Variants in BDP1 observed in about 807,000 individuals in gnomAD.
The protein encoded by BDP1 is transcription factor TFIIIB component B'' homolog.
In BDP1, 169 loss-of-function variants were observed where a neutral mutation model predicts 266.6. The ratio of observed to expected loss-of-function variants is 0.63; its 90% CI spans 0.56 to 0.72. The LOEUF is 0.72. Ranked by LOEUF, BDP1 falls within the 30% of genes least tolerant of loss-of-function variation. BDP1 has a pLI of 0.00. For synonymous variants in BDP1, 1,090 were observed against 1,022.4 expected, an observed-to-expected ratio of 1.07 and a Z score of -1.26; for missense variants, 3,015 against 3,053.8, an observed-to-expected ratio of 0.99 and a Z score of 0.30.
chr5:71,464,574 C>T (rs376053169), intron 4 of BDP1, among the ~76,000 whole-genome samples: 7 of 152,006 alleles, frequency 4.6e-5, no homozygotes, highest in African/African-American at 1.7e-4. Context: ...CAGGATGTTG[C>T]TGTGTCACCT....
chr5:71,478,817 C>A (rs551279083), intron 7 of BDP1, among the ~76,000 whole-genome samples: 25 of 152,172 alleles, frequency 1.6e-4, no homozygotes, highest in African/African-American at 5.5e-4. Context: ...GGAACTCCAC[C>A]AACATAGTTT....
rs1766834863 is a variant in BDP1 at position 71,539,581 on chromosome 5, C to T, written c.5954C>T (p.Ala1985Val). 6.2e-7 allele frequency: 1 copy of T among 1,609,588 alleles called. No homozygotes were observed. The highest frequency in any genetic ancestry group is 8.5e-7 in the Non-Finnish European group (1 of 1,178,504). The stretch of plus-strand genomic sequence containing the variant: ...GGTACCAATGATGGAAGCACCGAAG[C>T]TGCAATAACTTTACTTACAATGGGA... Reference protein sequence around the residue: ...EPGTNDGSTEAAITLLTMGDL... With the variant: ...EPGTNDGSTEVAITLLTMGDL... Residue 1985 changes from alanine to valine, a missense_variant, in exon 28 of 39, where the codon GCT (alanine) becomes GTT (valine). Physicochemically the swap from Ala to Val is moderately conservative, Grantham distance 64. This residue lies in a region of BDP1 where 2,383 missense variants were observed against 2,404.9 expected (regional missense o/e 0.99). Coordinates refer to ENST00000358731, the MANE Select transcript of BDP1 (RefSeq NM_018429.3).
intron 17 of BDP1, 127 bp downstream of exon 17, chr5:71,511,278 T>A: frequency 1.1e-6 from 1 of 914,046 alleles, no homozygotes; most frequent in Non-Finnish European, 1.7e-6. Flanking sequence ...AAGTCTTTTG[T>A]AGCCCTAAGT....
chr5:71,456,228 C>T, intron 1 of BDP1, 139 bp downstream of exon 1: 1 of 776,588 alleles, frequency 1.3e-6, no homozygotes, highest in Middle Eastern at 3.7e-4. Context: ...GATGAAACCA[C>T]TCCAAACTGC....
chr5:71,519,864 T>A (rs1765410065), intron 22 of BDP1, among the ~76,000 whole-genome samples: 1 of 152,210 alleles, frequency 6.6e-6, no homozygotes, highest in South Asian at 2.1e-4. Flanking sequence ...GGTAGTTCTA[T>A]TTTTAGTTTT....
In BDP1 at chr5:71,566,380, TATC is replaced by T. The variant is rs1399523621; in HGVS notation, c.*1500_*1502del. ...AATAAGGCTTTATAAAGTTAATGAT[TATC>T]ATCAGTATGAATTTAAGGTTTGTTT... is the stretch of plus-strand genomic sequence containing the variant. On this transcript the variant is annotated 3_prime_UTR_variant, in exon 39 of 39. Coordinates refer to ENST00000358731, the MANE Select transcript of BDP1 (RefSeq NM_018429.3). 1 of 152,262 alleles carries T rather than the reference TATC, an allele frequency of 6.6e-6. No individual in the cohort carries two copies. Among genetic ancestry groups the T allele is most frequent in the African/African-American group, 2.4e-5 (1 of 41,470 alleles). The allele number at this position is 152,262 out of a possible 1,614,324, so 9.4% of individuals were successfully genotyped here. A position where few individuals can be genotyped will look rare whatever the true frequency, so the allele number is the denominator to read the frequency against.
rs551109428 is a variant in BDP1, at chr5:71,554,670, A to G, written c.7200+1350A>G. Among the ~76,000 whole-genome samples, 9 of 152,350 alleles carry G rather than the reference A, an allele frequency of 5.9e-5. No individual in the cohort carries two copies. In the East Asian group the frequency reaches 1.7e-3, roughly 29 times the overall value. ...TATGATACGCCATTTAAAAAATGGT[A>G]GTTATACAGTGGTGTGAATATGTAA... is the stretch of plus-strand genomic sequence containing the variant. On this transcript the variant is annotated intron_variant, in intron 35 of 38. Coordinates refer to ENST00000358731, the MANE Select transcript of BDP1 (RefSeq NM_018429.3).
At chr5:71,526,278 G>GGCAA (rs1336317741) in intron 25 of BDP1, among the ~76,000 whole-genome samples, 1 of 46,854 alleles carries the variant, frequency 2.1e-5, no homozygotes, top group Non-Finnish European at 5.6e-5. Context: ...CAAACATTTT[G>GGCAA]GTGTTTTCTG....
At chr5:71,542,071 A>G (rs1417469008) in intron 29 of BDP1, 34 bp from the exon 30 acceptor site, 12 of 1,555,440 alleles carry the variant, frequency 7.7e-6, no homozygotes, top group African/African-American at 1.4e-5. Flanking sequence ...AAGATCTAAC[A>G]TGATTCATGA....
In BDP1 at chr5:71,565,250, A is replaced by G. The variant is rs1223579175; in HGVS notation, c.*365A>G. ...GCAGACAGATTTGGGGGTTAATTGT[A>G]TCATATTTAACATTTAGCAACTTCT... On this transcript the variant is annotated 3_prime_UTR_variant, in exon 39 of 39. Coordinates refer to ENST00000358731, the MANE Select transcript of BDP1 (RefSeq NM_018429.3). 3 of 163,142 alleles carry G rather than the reference A, an allele frequency of 1.8e-5. No individual in the cohort carries two copies. The highest frequency in any genetic ancestry group is 7.2e-5 in the African/African-American group (3 of 41,816). 10.1% of individuals were successfully genotyped at this position (163,142 alleles called of 1,614,324 possible).
At chr5:71,484,839 GA>G (rs950445598) in intron 8 of BDP1, among the ~76,000 whole-genome samples, 24 of 148,804 alleles carry the variant, frequency 1.6e-4, no homozygotes, top group African/African-American at 4.0e-4. Context: ...GCTAATTTTA[GA>G]AAAAAAAAAT....
At chr5:71,481,507 T>G (rs189654894) in intron 7 of BDP1, among the ~76,000 whole-genome samples, 9 of 151,434 alleles carry the variant, frequency 5.9e-5, no homozygotes, top group African/African-American at 2.2e-4. Context: ...CAGTGAGCTG[T>G]GATCACAGCA....
At chr5:71,525,417 CG>C in intron 25 of BDP1, among the ~76,000 whole-genome samples, 1 of 131,330 alleles carries the variant, frequency 7.6e-6, no homozygotes, top group Non-Finnish European at 1.6e-5. Context: ...CCCTCCCGGA[CG>C]GGGCGGCTGG....
At position 71,539,589 on chromosome 5, in the gene BDP1, A is replaced by T. The variant is rs1337777791; in HGVS notation, c.5962A>T (p.Thr1988Ser). 1 of 1,612,442 alleles carries T rather than the reference A, an allele frequency of 6.2e-7. No homozygotes were observed. Among genetic ancestry groups the T allele is most frequent in the East Asian group, 2.2e-5 (1 of 44,772 alleles). The change falls in exon 28 of 39, where the codon ACT becomes TCT. Residue 1988 changes from threonine (T) to serine (S), a missense_variant. Transcript: ENST00000358731. ...TGATGGAAGCACCGAAGCTGCAATA[A>T]CTTTACTTACAATGGGAGATCTAGT... is the stretch of plus-strand genomic sequence containing the variant. ...TNDGSTEAAI[T>S]LLTMGDLVLQ...
intron 3 of BDP1, among the ~76,000 whole-genome samples, chr5:71,462,374 A>G (rs932305305): frequency 2.6e-5 from 4 of 152,222 alleles, no homozygotes; most frequent in African/African-American, 9.6e-5. Context: ...GTCCTTTTAA[A>G]TAGAATTTCA....
rs1394422462 is a variant in BDP1 at position 71,501,647 on chromosome 5, T to TATC, written c.2043_2045dup (p.Ser682dup). On this transcript the variant is annotated inframe_insertion, in exon 14 of 39. Coordinates refer to ENST00000358731, the MANE Select transcript of BDP1 (RefSeq NM_018429.3). ...AGAGAGAATCCAGAAGCTGAAACTG[T>TATC]ATCTGTGTGAGTATTCAGGAAGTAG... 1 of 1,472,502 alleles carries TATC rather than the reference T, an allele frequency of 6.8e-7. No homozygotes were observed. The highest frequency in any genetic ancestry group is 9.4e-7 in the Non-Finnish European group (1 of 1,060,502). The allele number at this position is 1,472,502 out of a possible 1,614,324, so 91.2% of individuals were successfully genotyped here. A position where few individuals can be genotyped will look rare whatever the true frequency, so the allele number is the denominator to read the frequency against.
intron 22 of BDP1, among the ~76,000 whole-genome samples, chr5:71,518,153 T>C (rs1765318417): frequency 6.6e-6 from 1 of 152,212 alleles, no homozygotes; most frequent in Admixed American, 6.5e-5. Context: ...TTTTCTTTAG[T>C]AAAAACGCCT....
chr5:71,497,120 G>A (rs918799218), intron 12 of BDP1, 150 bp from the exon 13 acceptor site: 2 of 596,784 alleles, frequency 3.4e-6, no homozygotes, highest in East Asian at 2.8e-5. Flanking sequence ...ATATCAGATA[G>A]AACAAGTTAG....
intron 20 of BDP1, among the ~76,000 whole-genome samples, chr5:71,515,382 C>G (rs1258269333): frequency 2.0e-5 from 3 of 151,972 alleles, no homozygotes; most frequent in Non-Finnish European, 4.4e-5. Context: ...GTTGAGCATC[C>G]CTAATAAAAA....
Sources: gnomAD v4.1 joint callset for allele counts (sites outside exome capture counted in the v4.1 genomes callset) on GRCh38, gnomAD v4.1.1 for gene constraint, gnomAD v4.1.1 regional missense constraint, MANE v1.5 for transcripts, NCBI Gene and HGNC (gene_info 2026-07-23, HGNC 2026-07-21) for gene names.